Variants in PLA1A observed in about 807,000 individuals in gnomAD.
PLA1A encodes phosphatidylserine-specific phospholipase A1alpha.
PLA1A carries 47 observed loss-of-function variants against 49.4 expected under a neutral mutation model. The observed-to-expected ratio is 0.95, with a 90% CI of 0.75 to 1.21. The LOEUF is 1.21. Among genes scored for constraint, PLA1A ranks in the 50% most tolerant of loss-of-function variants. The pLI, the probability that PLA1A is intolerant of heterozygous loss-of-function variation, is 0.00. For missense variants in PLA1A, 561 were observed against 563.9 expected, an observed-to-expected ratio of 0.99 and a Z score of 0.05; for synonymous variants, 224 against 207.9, an observed-to-expected ratio of 1.08 and a Z score of -0.67.
chr3:119,628,652 G>C lies in PLA1A; in HGVS notation c.1122-49G>C, dbSNP rs201546738. The C allele has an allele frequency of 9.8e-4, 1,531 of 1,568,716 alleles. 5 individuals carry two copies. The Middle Eastern group carries it at 0.022, about 22-fold the overall frequency. On this transcript the variant is annotated intron_variant, in intron 9 of 10. Transcript: ENST00000273371. ...CGATCGGAGCCAAAGGGGAAGTACA[G>C]GTGGTAAGGGCTACAGTCATTTACT...
intron 6 of PLA1A, among the ~76,000 whole-genome samples, chr3:119,616,763 A>C (rs1037776529): frequency 2.0e-5 from 3 of 152,272 alleles, no homozygotes; most frequent in Admixed American, 2.0e-4. Context: ...CAAATTTACT[A>C]GTTTTCCAAA....
intron 1 of PLA1A, among the ~76,000 whole-genome samples, chr3:119,606,504 C>T (rs1184177985): frequency 1.3e-5 from 2 of 152,206 alleles, no homozygotes; most frequent in Non-Finnish European, 2.9e-5. Context: ...CCCGGAACAA[C>T]AGCCATTTCA....
intron 1 of PLA1A, among the ~76,000 whole-genome samples, chr3:119,603,491 A>C (rs1216192341): frequency 6.6e-6 from 1 of 152,218 alleles, no homozygotes; most frequent in Non-Finnish European, 1.5e-5. Context: ...TTCAATTTCA[A>C]CTATTACCTT....
At chr3:119,615,068 C>T (rs990495692) in intron 5 of PLA1A, among the ~76,000 whole-genome samples, 1 of 152,226 alleles carries the variant, frequency 6.6e-6, no homozygotes, top group Non-Finnish European at 1.5e-5. Context: ...AAAGGCAAGA[C>T]TCAAGGATGG....
At chr3:119,601,031 G>A (rs1212855571) in intron 1 of PLA1A, among the ~76,000 whole-genome samples, 5 of 152,236 alleles carry the variant, frequency 3.3e-5, no homozygotes, top group African/African-American at 4.8e-5. Context: ...GGAGCCTGGA[G>A]GAGGGTGCCT....
At chr3:119,605,416 A>G (rs1010813996) in intron 1 of PLA1A, among the ~76,000 whole-genome samples, 2 of 148,686 alleles carry the variant, frequency 1.3e-5, no homozygotes, top group African/African-American at 2.5e-5. Context: ...TCATAGCACC[A>G]TATCCCAGAG....
intron 6 of PLA1A, among the ~76,000 whole-genome samples, chr3:119,617,156 T>C (rs1021609930): frequency 1.3e-5 from 2 of 152,230 alleles, no homozygotes; most frequent in Non-Finnish European, 2.9e-5. Context: ...CAAACTTAAA[T>C]AGTAAATAAC....
At chr3:119,620,023 G>T in intron 8 of PLA1A, 1 of 462,066 alleles carries the variant, frequency 2.2e-6, no homozygotes, top group East Asian at 6.7e-5. Flanking sequence ...CTCCAAGGTT[G>T]GGGTCCCTGG....
At chr3:119,613,775 C>G (rs936929453) in intron 5 of PLA1A, among the ~76,000 whole-genome samples, 1 of 152,162 alleles carries the variant, frequency 6.6e-6, no homozygotes, top group Non-Finnish European at 1.5e-5. Flanking sequence ...CGCCTGTAGT[C>G]CCAGCTACTC....
At chr3:119,625,852 C>G (rs1374536269) in intron 9 of PLA1A, among the ~76,000 whole-genome samples, 3 of 152,132 alleles carry the variant, frequency 2.0e-5, no homozygotes, top group Non-Finnish European at 2.9e-5. Context: ...GCAAGGAACC[C>G]CAACTGTAGG....
intron 2 of PLA1A, 150 bp from the exon 3 acceptor site, chr3:119,608,620 T>C (rs1424575151): frequency 1.6e-6 from 1 of 639,732 alleles, no homozygotes; most frequent in Non-Finnish European, 2.7e-6. Context: ...GTGTCCTCCC[T>C]ATGCTCCAAG....
In PLA1A at chr3:119,628,861, G is replaced by T; in HGVS notation, c.1282G>T (p.Asp428Tyr). Residue 428 changes from aspartate (D) to tyrosine (Y), a missense_variant, in exon 10 of 11, where the codon GAC becomes TAC. Physicochemically the swap from Asp to Tyr is radical, Grantham distance 160. Coordinates refer to ENST00000273371, the MANE Select transcript of PLA1A (RefSeq NM_015900.4). ...KFCTALLPVN[D>Y]REKMVCLPEP... ...CTGCACTGCCCTTTTGCCTGTCAAT[G>T]ACAGGTAAGCCCCAGTATTCACCTC... The T allele has an allele frequency of 6.2e-7, 1 of 1,613,596 alleles. No homozygotes were observed.
intron 4 of PLA1A, among the ~76,000 whole-genome samples, chr3:119,611,747 A>G (rs1258547865): frequency 6.6e-6 from 1 of 152,142 alleles, no homozygotes; most frequent in Non-Finnish European, 1.5e-5. Context: ...TCAGGTCTAG[A>G]AGTCTTTGGT....
intron 10 of PLA1A, 127 bp from the exon 11 acceptor site, chr3:119,629,257 G>A (rs2052590218): frequency 1.1e-5 from 8 of 706,356 alleles, no homozygotes; most frequent in Non-Finnish European, 2.6e-6. Context: ...TGGACCACAG[G>A]AACTGGCTCT....
At chr3:119,605,995 G>A (rs1377125416) in intron 1 of PLA1A, among the ~76,000 whole-genome samples, 1 of 152,172 alleles carries the variant, frequency 6.6e-6, no homozygotes, top group Non-Finnish European at 1.5e-5. Context: ...GATTAGGTGG[G>A]GCTAAAGAGT....
At chr3:119,619,748 G>A (rs2082903032) in intron 8 of PLA1A, 96 bp downstream of exon 8, 1 of 858,258 alleles carries the variant, frequency 1.2e-6, no homozygotes, top group East Asian at 2.4e-5. Context: ...AATGATAAGA[G>A]CAAAGGCATC....
intron 7 of PLA1A, 146 bp downstream of exon 7, chr3:119,618,332 G>C: frequency 1.4e-6 from 1 of 733,954 alleles, no homozygotes; most frequent in Non-Finnish European, 2.3e-6. Context: ...TGCTCAGCCT[G>C]TTCTTACTTG....
rs114389811 is a variant in PLA1A, at chr3:119,607,205, C to T, written c.275+230C>T. On this transcript the variant is annotated intron_variant, in intron 2 of 10. Transcript: ENST00000273371. ...CCACCCAGTCTTGTCTACACACTCA[C>T]GAACAGTACATGTCTGTGACTGGAC... The T allele has an allele frequency of 2.3e-3, 1,252 of 545,930 alleles. 12 individuals carry two copies. Among genetic ancestry groups the T allele is most frequent in the African/African-American group, 0.02 (1,044 of 52,838 alleles). The allele number at this position is 545,930 out of a possible 1,614,324, so 33.8% of individuals were successfully genotyped here. A position where few individuals can be genotyped will look rare whatever the true frequency, so the allele number is the denominator to read the frequency against.
At chr3:119,623,161 A>G (rs548435584) in intron 8 of PLA1A, among the ~76,000 whole-genome samples, 2 of 151,454 alleles carry the variant, frequency 1.3e-5, no homozygotes, top group Non-Finnish European at 2.9e-5. Context: ...ATTTTTTTTG[A>G]GACAGGGTCT....
Sources: gnomAD v4.1 joint callset for allele counts (sites outside exome capture counted in the v4.1 genomes callset) on GRCh38, gnomAD v4.1.1 for gene constraint, MANE v1.5 for transcripts, NCBI Gene and HGNC (gene_info 2026-07-23, HGNC 2026-07-21) for gene names.